The following RALGAPA2 variants were observed in gnomAD, a reference collection of about 807,000 sequenced individuals.
RALGAPA2 encodes ral GTPase-activating protein subunit alpha-2.
In RALGAPA2, 139 loss-of-function variants were observed where a neutral mutation model predicts 230.4. The ratio of observed to expected loss-of-function variants is 0.60; its 90% CI spans 0.53 to 0.69. RALGAPA2 has a LOEUF of 0.69. Among genes scored for constraint, RALGAPA2 ranks in the 30% least tolerant of loss-of-function variants. The pLI is 0.00. For synonymous variants in RALGAPA2, 847 were observed against 837.8 expected (o/e 1.01, Z -0.19); for missense variants, 2,163 against 2,276.0 (o/e 0.95, Z 1.01).
intron 3 of RALGAPA2, among the ~76,000 whole-genome samples, chr20:20,661,304 G>T (rs751821147): frequency 6.6e-6 from 1 of 152,046 alleles, no homozygotes. Context: ...GATTACAGGC[G>T]TGTGCCACCA....
At chr20:20,511,695 C>A (rs924851888) in intron 32 of RALGAPA2, among the ~76,000 whole-genome samples, 1 of 152,206 alleles carries the variant, frequency 6.6e-6, no homozygotes, top group Admixed American at 6.5e-5. Context: ...CCCCTTTCCA[C>A]AAAGTCTTCT....
intron 1 of RALGAPA2, among the ~76,000 whole-genome samples, chr20:20,699,533 G>T (rs1285794523): frequency 6.6e-6 from 1 of 152,168 alleles, no homozygotes; most frequent in East Asian, 1.9e-4. Flanking sequence ...AACAGAAGTT[G>T]TAAAGAAGCA....
At position 20,586,536 on chromosome 20, in the gene RALGAPA2, A is replaced by G. The variant is rs142116056; in HGVS notation, c.2440-1581T>C. 3.2e-3 allele frequency among the ~76,000 whole-genome samples: 485 copies of G among 152,358 alleles called. 5 individuals carry two copies. Among genetic ancestry groups the G allele is most frequent in the Non-Finnish European group, 5.4e-3 (367 of 68,028 alleles). ...ACAAATATCAGATTTAGATCCCCCA[A>G]GGATTTCAGATAATCAGATAAAAAA... On this transcript the variant is annotated intron_variant, in intron 18 of 39. Transcript: ENST00000202677.
At chr20:20,596,848 T>C (rs1019187088) in intron 16 of RALGAPA2, among the ~76,000 whole-genome samples, 5 of 152,220 alleles carry the variant, frequency 3.3e-5, no homozygotes, top group East Asian at 1.9e-4. Context: ...GTCCTGTGCA[T>C]TGCAGACTAT....
rs146781091 is a variant in RALGAPA2, at chr20:20,520,599, G to A, written c.4084+318C>T. On this transcript the variant is annotated intron_variant, in intron 31 of 39. Coordinates refer to ENST00000202677, the MANE Select transcript of RALGAPA2 (RefSeq NM_020343.4). ...TCATGGTGCTACCAGTCCACAGTGA[G>A]TCCTTCTGGACTTCACTGTGTGTTT... is the stretch of plus-strand genomic sequence containing the variant. Among the ~76,000 whole-genome samples the A allele has an allele frequency of 7.3e-3, 1,117 of 152,280 alleles. 11 individuals carry two copies. The highest frequency in any genetic ancestry group is 0.026 in the African/African-American group (1,071 of 41,554).
intron 3 of RALGAPA2, among the ~76,000 whole-genome samples, chr20:20,662,319 T>A (rs1305308879): frequency 6.6e-6 from 1 of 151,958 alleles, no homozygotes; most frequent in African/African-American, 2.4e-5. Context: ...AAAAAGTAAT[T>A]CTCAATTACT....
At chr20:20,508,683 A>T (rs1202451888) in intron 33 of RALGAPA2, among the ~76,000 whole-genome samples, 1 of 152,252 alleles carries the variant, frequency 6.6e-6, no homozygotes. Context: ...TCTAAATGAA[A>T]GTTGACAGAC....
chr20:20,413,937 C>G (rs1189834064), intron 37 of RALGAPA2, among the ~76,000 whole-genome samples: 1 of 152,354 alleles, frequency 6.6e-6, no homozygotes, highest in East Asian at 1.9e-4. Context: ...GAGGGACCCA[C>G]TAATGCCATT....
intron 37 of RALGAPA2, among the ~76,000 whole-genome samples, chr20:20,433,018 G>A (rs1185898147): frequency 6.6e-6 from 1 of 152,222 alleles, no homozygotes; most frequent in Non-Finnish European, 1.5e-5. Context: ...ATTCTAAAGA[G>A]CCTGCATTTT....
intron 24 of RALGAPA2, among the ~76,000 whole-genome samples, chr20:20,544,580 T>C (rs564715044): frequency 2.8e-4 from 42 of 152,328 alleles, no homozygotes; most frequent in East Asian, 1.7e-3. Flanking sequence ...TGTATGTTTA[T>C]TGCAGCACTA....
At chr20:20,657,259 T>C (rs900239605) in intron 3 of RALGAPA2, among the ~76,000 whole-genome samples, 2 of 152,118 alleles carry the variant, frequency 1.3e-5, no homozygotes, top group Non-Finnish European at 2.9e-5. Flanking sequence ...AGAGCAAAGA[T>C]GAGAGGAGTC....
chr20:20,448,081 C>A (rs1317703329), intron 37 of RALGAPA2, among the ~76,000 whole-genome samples: 6 of 152,134 alleles, frequency 3.9e-5, no homozygotes, highest in Non-Finnish European at 7.4e-5. Context: ...TAGATGAGAA[C>A]ACAAATATAG....
chr20:20,612,447 G>A (rs374173485), intron 13 of RALGAPA2, among the ~76,000 whole-genome samples: 7 of 152,204 alleles, frequency 4.6e-5, no homozygotes, highest in South Asian at 2.1e-4. Context: ...CATAGTTCCC[G>A]TTTACTTTTC....
chr20:20,447,791 G>C (rs138329970), intron 37 of RALGAPA2, among the ~76,000 whole-genome samples: 7 of 152,096 alleles, frequency 4.6e-5, no homozygotes, highest in Non-Finnish European at 8.8e-5. Flanking sequence ...GATGAGGTAG[G>C]ACAGTCTCTT....
At chr20:20,450,610 G>A (rs1323859928) in intron 37 of RALGAPA2, among the ~76,000 whole-genome samples, 1 of 152,250 alleles carries the variant, frequency 6.6e-6, no homozygotes, top group Non-Finnish European at 1.5e-5. Flanking sequence ...CCCTGCCCTG[G>A]CTGTGGGCCC....
At chr20:20,448,062 T>C (rs2060903972) in intron 37 of RALGAPA2, among the ~76,000 whole-genome samples, 1 of 152,242 alleles carries the variant, frequency 6.6e-6, no homozygotes, top group East Asian at 1.9e-4. Flanking sequence ...GTATTAACTT[T>C]ATAATGGCTA....
chr20:20,616,747 G>A (rs901032939), intron 12 of RALGAPA2, among the ~76,000 whole-genome samples: 4 of 152,130 alleles, frequency 2.6e-5, no homozygotes, highest in Non-Finnish European at 5.9e-5. Context: ...CGAAGCCATC[G>A]ACATCACACG....
Position 20,398,840 on chromosome 20 carries a change from G to A in RALGAPA2, c.5618-2106C>T, listed in dbSNP as rs77849827. ...AAAGCAGATGAAACCGCTGCCTCCA[G>A]GGGATCTGGGAGAAAAGTTACAGCA... On this transcript the variant is annotated intron_variant, in intron 38 of 39. Coordinates refer to ENST00000202677, the MANE Select transcript of RALGAPA2 (RefSeq NM_020343.4). The surrounding 1 kb of genome is among the most constrained non-coding windows in gnomAD (Gnocchi z 4.5). Among the ~76,000 whole-genome samples, 827 of 152,318 alleles carry A rather than the reference G, an allele frequency of 5.4e-3. 11 individuals carry two copies. Among genetic ancestry groups the A allele is most frequent in the African/African-American group, 0.019 (786 of 41,560 alleles).
intron 30 of RALGAPA2, among the ~76,000 whole-genome samples, chr20:20,523,046 T>A (rs1389911313): frequency 6.6e-6 from 1 of 152,178 alleles, no homozygotes; most frequent in African/African-American, 2.4e-5. Flanking sequence ...GTTTTTTTTT[T>A]AAAGTAATAC....
Sources: gnomAD v4.1 joint callset for allele counts (sites outside exome capture counted in the v4.1 genomes callset) on GRCh38, gnomAD v4.1.1 for gene constraint, Gnocchi (gnomAD v3.1) non-coding constraint, MANE v1.5 for transcripts, NCBI Gene and HGNC (gene_info 2026-07-23, HGNC 2026-07-21) for gene names.